The following STAG2 variants were observed in gnomAD, a reference collection of about 807,000 sequenced individuals.
STAG2 encodes the protein STAG2 cohesin complex component.
A neutral mutation model predicts 108.1 loss-of-function variants in STAG2; 14 were observed. The ratio of observed to expected loss-of-function variants is 0.13; its 90% CI spans 0.09 to 0.20. STAG2 has a LOEUF of 0.20. STAG2 is among the 10% of genes least tolerant of loss of function. The pLI, the probability that STAG2 is intolerant of heterozygous loss-of-function variation, is 1.00. For missense variants in STAG2, 440 were observed against 940.9 expected, an observed-to-expected ratio of 0.47 and a Z score of 6.96; for synonymous variants, 307 against 302.7, an observed-to-expected ratio of 1.01 and a Z score of -0.15.
At chrX:124,041,129 G>A (rs189692609) in intron 6 of STAG2, among the ~76,000 whole-genome samples, 9 of 109,677 alleles carry the variant, frequency 8.2e-5, no homozygotes, top group Admixed American at 3.9e-4. Flanking sequence ...AGGATTACAG[G>A]CATGAGCCAC....
At chrX:124,061,742 A>ATTTT in intron 16 of STAG2, 29 bp from the exon 17 acceptor site, 1 of 693,952 alleles carries the variant, frequency 1.4e-6, no homozygotes, top group South Asian at 3.5e-5. Flanking sequence ...ACTCTTTCTG[A>ATTTT]CTTTTTTTTT....
intron 5 of STAG2, 147 bp downstream of exon 5, chrX:124,031,272 GATGT>G: frequency 1.9e-6 from 1 of 532,562 alleles, no homozygotes; most frequent in Non-Finnish European, 2.7e-6. Flanking sequence ...AAACTCTTGG[GATGT>G]ATTTCTTCAT....
At chrX:124,050,162 A>G (rs1569512680) in intron 10 of STAG2, 24 bp from the exon 11 acceptor site, 1 of 1,203,824 alleles carries the variant, frequency 8.3e-7, no homozygotes, top group Admixed American at 2.2e-5. Flanking sequence ...CTAATTATGC[A>G]TCGTTTTTCC....
chrX:124,014,530 T>C (rs897302796), intron 1 of STAG2, among the ~76,000 whole-genome samples: 1 of 110,654 alleles, frequency 9.0e-6, no homozygotes, highest in South Asian at 3.8e-4. Context: ...CCAGCTAATT[T>C]TTGTATTTTT....
intron 1 of STAG2, among the ~76,000 whole-genome samples, chrX:123,990,590 C>G (rs1372113857): frequency 9.0e-6 from 1 of 111,531 alleles, no homozygotes; most frequent in Non-Finnish European, 1.9e-5. Context: ...AGTTTTTGTT[C>G]TCAATGTCCA....
rs778444358 is a variant in STAG2 at position 123,997,482 on chromosome X, A to G, written c.-162-23885A>G. ...TCCACAGTGGAGGACCACTACACCC[A>G]GCACCTGGCAAACCACCATTCTACT... On this transcript the variant is annotated intron_variant, in intron 1 of 34. Coordinates refer to ENST00000371145, the MANE Select transcript of STAG2 (RefSeq NM_001042750.2). Among the ~76,000 whole-genome samples, 11 of 112,174 alleles carry G rather than the reference A, an allele frequency of 9.8e-5. No homozygotes were observed. In the Middle Eastern group the frequency reaches 0.014, roughly 142 times the overall value.
intron 32 of STAG2, 122 bp downstream of exon 32, chrX:124,091,086 A>G: frequency 1.8e-6 from 1 of 541,899 alleles, no homozygotes; most frequent in Non-Finnish European, 2.9e-6. Context: ...TGAAATAATC[A>G]AGGAACTAAA....
At chrX:124,073,996 A>G (rs985911230) in intron 25 of STAG2, among the ~76,000 whole-genome samples, 18 of 112,557 alleles carry the variant, frequency 1.6e-4, no homozygotes, top group African/African-American at 5.8e-4. Flanking sequence ...AAGAATTTGT[A>G]TCTGTTAATA....
At chrX:123,981,122 G>GT (rs984727050) in intron 1 of STAG2, among the ~76,000 whole-genome samples, 4 of 110,543 alleles carry the variant, frequency 3.6e-5, no homozygotes, top group Non-Finnish European at 7.6e-5. Flanking sequence ...CATTCCAGAA[G>GT]TTTTTTTTCT....
intron 6 of STAG2, among the ~76,000 whole-genome samples, chrX:124,041,037 G>C (rs2148145146): frequency 9.4e-6 from 1 of 106,936 alleles, no homozygotes; most frequent in East Asian, 2.9e-4. Context: ...TTTTAGTAGT[G>C]ACGGGGTTTC....
chrX:123,987,436 C>T (rs906594291), intron 1 of STAG2, among the ~76,000 whole-genome samples: 1 of 109,368 alleles, frequency 9.1e-6, no homozygotes, highest in African/African-American at 3.3e-5. Context: ...TTAGTAGTGA[C>T]GGGGTTTTGC....
intron 7 of STAG2, 54 bp from the exon 8 acceptor site, chrX:124,045,110 A>G (rs937400321): frequency 2.9e-6 from 3 of 1,031,636 alleles, no homozygotes; most frequent in Non-Finnish European, 4.1e-6. Context: ...AAAGCAAGTG[A>G]TATGTTAAGT....
At chrX:123,990,441 CT>C (rs777514140) in intron 1 of STAG2, among the ~76,000 whole-genome samples, 1 of 111,548 alleles carries the variant, frequency 9.0e-6, no homozygotes, top group Non-Finnish European at 1.9e-5. Flanking sequence ...TGAGGTTTTC[CT>C]TTTGATTTAG....
At chrX:123,985,862 CA>C (rs1177804919) in intron 1 of STAG2, among the ~76,000 whole-genome samples, 2 of 109,477 alleles carry the variant, frequency 1.8e-5, no homozygotes, top group Non-Finnish European at 3.8e-5. Flanking sequence ...TGCTACTTTA[CA>C]AAGAAGGAAT....
intron 13 of STAG2, 46 bp downstream of exon 13, chrX:124,051,440 AAAT>A (rs1342326258): frequency 9.8e-6 from 10 of 1,016,192 alleles, no homozygotes; most frequent in Non-Finnish European, 1.2e-5. Flanking sequence ...TCAGATATCT[AAAT>A]AATATATTAG....
intron 34 of STAG2, among the ~76,000 whole-genome samples, chrX:124,095,829 A>G (rs1603200378): frequency 9.1e-6 from 1 of 110,497 alleles, no homozygotes; most frequent in Admixed American, 9.7e-5. Flanking sequence ...GAGGGGCGTC[A>G]TATAAAGGCA....
chrX:123,978,105 A>G (rs1331340432), intron 1 of STAG2, among the ~76,000 whole-genome samples: 1 of 107,386 alleles, frequency 9.3e-6, no homozygotes, highest in Admixed American at 1.0e-4. Context: ...TGGCCTCCCA[A>G]GTGTTGGGAT....
chrX:124,054,075 C>G (rs1358682151), intron 13 of STAG2, among the ~76,000 whole-genome samples: 2 of 111,981 alleles, frequency 1.8e-5, no homozygotes, highest in Non-Finnish European at 3.8e-5. Context: ...GTAACAGGCC[C>G]TTTTACATTG....
chrX:123,972,866 CAA>C (rs747333406), intron 1 of STAG2, among the ~76,000 whole-genome samples: 27 of 21,931 alleles, frequency 1.2e-3, no homozygotes, highest in African/African-American at 4.7e-3. Flanking sequence ...ACCAAAAATA[CAA>C]AAAAAAAAAA....
Sources: allele counts gnomAD v4.1 joint callset (sites outside exome capture counted in the v4.1 genomes callset), GRCh38; gene constraint gnomAD v4.1.1; transcripts MANE v1.5; gene names NCBI Gene and HGNC (gene_info 2026-07-23, HGNC 2026-07-21).